TMEM131L: variants seen among roughly 807,000 people sequenced by gnomAD.
TMEM131L encodes the protein transmembrane protein 131-like.
In TMEM131L, 54 loss-of-function variants were observed where a neutral mutation model predicts 192.2. The ratio of observed to expected loss-of-function variants is 0.28; its 90% confidence interval spans 0.23 to 0.35. TMEM131L has a LOEUF of 0.35. Ranked by LOEUF, TMEM131L falls within the 10% of genes least tolerant of loss-of-function variation. The pLI is 1.00. For synonymous variants in TMEM131L, 701 were observed against 704.9 expected, an observed-to-expected ratio of 0.99 and a Z score of 0.09; for missense variants, 1,888 against 1,972.9, an observed-to-expected ratio of 0.96 and a Z score of 0.82.
At position 153,557,058 on chromosome 4, in the gene TMEM131L, T is replaced by G; in HGVS notation, c.525T>G (p.Ser175=). Residue 175 remains serine (S), a synonymous_variant, in exon 6 of 35, where the codon TCT becomes TCG. Transcript: ENST00000409959. ...AAAGTTCCTTATTTATTAATACCTC[T>G]TCGTATGGAGTCCTTTCCTATCATG... ...SIESSLFINT[S]SYGVLSYHVS... The G allele has an allele frequency of 1.3e-6, 2 of 1,533,906 alleles. No homozygotes were observed. Among genetic ancestry groups the G allele is most frequent in the Non-Finnish European group, 1.8e-6 (2 of 1,109,566 alleles).
At chr4:153,507,304 G>A (rs894085847) in intron 3 of TMEM131L, among the ~76,000 whole-genome samples, 2 of 152,182 alleles carry the variant, frequency 1.3e-5, no homozygotes, top group African/African-American at 2.4e-5. Flanking sequence ...GTTAGTAGCC[G>A]AGGCAAACCC....
At chr4:153,473,655 G>A (rs1731313766) in intron 2 of TMEM131L, among the ~76,000 whole-genome samples, 190 bp from the exon 3 acceptor site, 1 of 152,134 alleles carries the variant, frequency 6.6e-6, no homozygotes, top group Admixed American at 6.5e-5. Flanking sequence ...AGCCAGGTGT[G>A]GTGGCATGTG....
Position 153,487,693 on chromosome 4 carries a change from CGTGT to C in TMEM131L, c.239+13829_239+13832del, listed in dbSNP as rs140651689. 4.0e-4 allele frequency among the ~76,000 whole-genome samples: 57 copies of C among 142,100 alleles called. No homozygotes were observed. In the East Asian group the frequency reaches 4.1e-3, roughly 10 times the overall value. The allele number at this position is 142,100 out of a possible 152,430, so 93.2% of individuals were successfully genotyped here. Reference sequence around the variant, plus strand: ...CCAGGCCCCTGTGGAGCTGCACAGGCGTGTGTGTGTGTGTGTGTGTGTGTGTGAG... The same window carrying C: ...CCAGGCCCCTGTGGAGCTGCACAGGCGTGTGTGTGTGTGTGTGTGTGTGAG... On this transcript the variant is annotated intron_variant, in intron 3 of 34. Coordinates refer to ENST00000409959, the MANE Select transcript of TMEM131L (RefSeq NM_001131007.2).
intron 7 of TMEM131L, among the ~76,000 whole-genome samples, chr4:153,569,867 A>T (rs1191020781): frequency 1.3e-5 from 2 of 151,972 alleles, no homozygotes; most frequent in Non-Finnish European, 2.9e-5. Flanking sequence ...CTATTATGAA[A>T]CTCCGGGAGA....
intron 19 of TMEM131L, among the ~76,000 whole-genome samples, chr4:153,594,605 C>A (rs981186246): frequency 8.5e-5 from 13 of 152,190 alleles, no homozygotes; most frequent in African/African-American, 2.9e-4. Context: ...ATTTTTACTA[C>A]ACTATATTTA....
intron 7 of TMEM131L, among the ~76,000 whole-genome samples, chr4:153,572,748 T>A (rs1355204827): frequency 2.0e-5 from 3 of 152,226 alleles, no homozygotes; most frequent in African/African-American, 7.2e-5. Context: ...TTTGTATGCG[T>A]ACAGTTCACT....
intron 7 of TMEM131L, among the ~76,000 whole-genome samples, chr4:153,573,563 G>A (rs1561203907): frequency 1.3e-5 from 2 of 152,220 alleles, no homozygotes; most frequent in African/African-American, 4.8e-5. Flanking sequence ...AGTTATCCAG[G>A]TGTAAAAACC....
At chr4:153,575,964 CT>C (rs1230784808) in intron 7 of TMEM131L, among the ~76,000 whole-genome samples, 276 of 142,722 alleles carry the variant, frequency 1.9e-3, no homozygotes, top group Middle Eastern at 3.6e-3. Context: ...TTGTTTTGTT[CT>C]TTTTTTTTTT....
chr4:153,594,718 C>A (rs1221845393), intron 19 of TMEM131L, among the ~76,000 whole-genome samples: 4 of 152,192 alleles, frequency 2.6e-5, no homozygotes, highest in African/African-American at 9.6e-5. Flanking sequence ...CCACAGATAA[C>A]CCATTACCAC....
chr4:153,570,809 C>A (rs1729536228), intron 7 of TMEM131L, among the ~76,000 whole-genome samples: 1 of 152,112 alleles, frequency 6.6e-6, no homozygotes, highest in Non-Finnish European at 1.5e-5. Flanking sequence ...TCCTTTTTGT[C>A]CACTTATTTC....
rs1726305199 is a variant in TMEM131L at position 153,621,763 on chromosome 4, G to A, written c.3773G>A (p.Ser1258Asn). 3 of 1,614,192 alleles carry A rather than the reference G, an allele frequency of 1.9e-6. No individual in the cohort carries two copies. Among genetic ancestry groups the A allele is most frequent in the Non-Finnish European group, 2.5e-6 (3 of 1,180,030 alleles). The part of the protein sequence containing the change: ...SELSSDINVR[S>N]WCIQESTREV... The stretch of plus-strand genomic sequence containing the variant: ...CTGAGCAGTGACATCAATGTAAGAA[G>A]CTGGTGTATACAGGAAAGCACTAGG... Residue 1258 changes from serine (S) to asparagine (N), a missense_variant, in exon 28 of 35, where the codon AGC (serine) becomes AAC (asparagine). Transcript: ENST00000409959.
chr4:153,604,854 G>GC (rs1477265646), intron 25 of TMEM131L, among the ~76,000 whole-genome samples: 1 of 152,048 alleles, frequency 6.6e-6, no homozygotes, highest in East Asian at 1.9e-4. Flanking sequence ...ACAGGTGTGT[G>GC]CCACCACACC....
At chr4:153,533,741 C>G (rs1026254661) in intron 3 of TMEM131L, among the ~76,000 whole-genome samples, 1 of 152,172 alleles carries the variant, frequency 6.6e-6, no homozygotes. Flanking sequence ...TTTTCATTGC[C>G]TGGTTCAGTA....
intron 17 of TMEM131L, 97 bp downstream of exon 17, chr4:153,591,291 A>G: frequency 8.4e-7 from 1 of 1,193,522 alleles, no homozygotes; most frequent in Non-Finnish European, 1.1e-6. Context: ...TACCATTTCA[A>G]AGCCAAAATT....
chr4:153,597,247 TATTAATTTTTTTCTTTTTTTA>T (rs972796813), intron 20 of TMEM131L, among the ~76,000 whole-genome samples: 9 of 151,110 alleles, frequency 6.0e-5, no homozygotes, highest in East Asian at 1.9e-4. Flanking sequence ...TTTTTTTGTT[TATTAATTTTTTTCTTTTTTTA>T]ATTAATTTTT....
At chr4:153,582,483 T>TG (rs1730429593) in intron 9 of TMEM131L, among the ~76,000 whole-genome samples, 1 of 146,972 alleles carries the variant, frequency 6.8e-6, no homozygotes, top group Admixed American at 6.8e-5. Flanking sequence ...CTCCCTGTGT[T>TG]GCTCAGGATG....
intron 3 of TMEM131L, among the ~76,000 whole-genome samples, chr4:153,497,318 C>G (rs928452584): frequency 6.6e-6 from 1 of 152,182 alleles, no homozygotes; most frequent in East Asian, 1.9e-4. Context: ...AATCAACCTT[C>G]CCTAGAACTG....
intron 31 of TMEM131L, among the ~76,000 whole-genome samples, chr4:153,630,620 A>C (rs1413784034): frequency 1.3e-5 from 2 of 152,196 alleles, no homozygotes; most frequent in Non-Finnish European, 2.9e-5. Context: ...GTCTTCAGTC[A>C]CTTCAGCTAG....
intron 21 of TMEM131L, among the ~76,000 whole-genome samples, chr4:153,598,965 A>G (rs1163341829): frequency 1.3e-5 from 2 of 152,206 alleles, no homozygotes; most frequent in African/African-American, 4.8e-5. Flanking sequence ...CTTAGATAAT[A>G]GACATAAGTT....
Sources: allele counts gnomAD v4.1 joint callset (sites outside exome capture counted in the v4.1 genomes callset), GRCh38; gene constraint gnomAD v4.1.1; transcripts MANE v1.5; gene names NCBI Gene and HGNC (gene_info 2026-07-23, HGNC 2026-07-21).